The following SLC44A2 variants were observed in gnomAD, a reference collection of about 807,000 sequenced individuals.
SLC44A2 encodes solute carrier family 44 member 2 (CTL2 blood group), also known as choline transporter-like protein 2.
Under a neutral mutation model 90.8 loss-of-function variants are expected in SLC44A2, and 57 were observed. The ratio of observed to expected loss-of-function variants is 0.63; its 90% CI spans 0.51 to 0.78. The LOEUF (loss-of-function observed/expected upper bound fraction) is 0.78. Ranked by LOEUF, SLC44A2 falls within the 30% of genes least tolerant of loss-of-function variation. The pLI, the probability that SLC44A2 is intolerant of heterozygous loss-of-function variation, is 0.00. For synonymous variants in SLC44A2, 355 were observed against 360.7 expected, an observed-to-expected ratio of 0.98 and a Z score of 0.18; for missense variants, 794 against 919.7, an observed-to-expected ratio of 0.86 and a Z score of 1.77.
In SLC44A2 at chr19:10,631,550, C is replaced by A; in HGVS notation, c.502+15C>A. On this transcript the variant is annotated intron_variant, in intron 7 of 21. Transcript: ENST00000335757. Reference sequence around the variant, plus strand: ...CAGCAAACCCTGTGAGTCAGGGGATCCCAGGAGGCTCAGGTGGTGACGGGG... The same window carrying A: ...CAGCAAACCCTGTGAGTCAGGGGATACCAGGAGGCTCAGGTGGTGACGGGG... 6.2e-7 allele frequency: 1 copy of A among 1,613,990 alleles called. No individual in the cohort carries two copies. Among genetic ancestry groups the A allele is most frequent in the South Asian group, 1.1e-5 (1 of 91,084 alleles).
chr19:10,614,965 C>T (rs1194325738), intron 1 of SLC44A2, among the ~76,000 whole-genome samples: 4 of 118,174 alleles, frequency 3.4e-5, no homozygotes, highest in Non-Finnish European at 4.9e-5. Flanking sequence ...AATGAGACTC[C>T]GTCTCAAAAA....
rs1046543635 is a variant in SLC44A2, at chr19:10,603,531, T to C, written c.31+970T>C. 2.6e-5 allele frequency among the ~76,000 whole-genome samples: 4 copies of C among 151,868 alleles called. No homozygotes were observed. The South Asian group carries it at 6.2e-4, about 24-fold the overall frequency. On this transcript the variant is annotated intron_variant, in intron 1 of 21. Coordinates refer to the SLC44A2 transcript ENST00000407327. ...CTCGAAAATATTCAAGAAAAACAAG[T>C]TGGGTAGAGCTGTGCCTCCCTGCCC...
chr19:10,619,717 G>A (rs139311191), intron 1 of SLC44A2, among the ~76,000 whole-genome samples: 4,377 of 152,222 alleles, frequency 0.029, 89 homozygotes, highest in Non-Finnish European at 0.044. Flanking sequence ...ACTTCCAGAG[G>A]CCGAGGCAGG....
chr19:10,625,789 G>A, intron 1 of SLC44A2, 119 bp downstream of exon 1: 1 of 882,358 alleles, frequency 1.1e-6, no homozygotes, highest in Non-Finnish European at 1.5e-6. Context: ...GCAAATCTGC[G>A]CCTGGAGCCT....
intron 4 of SLC44A2, among the ~76,000 whole-genome samples, chr19:10,628,445 C>T (rs955057016): frequency 3.9e-5 from 6 of 152,148 alleles, no homozygotes; most frequent in African/African-American, 1.4e-4. Flanking sequence ...CCCAGCTACC[C>T]AGCAGGCTGA....
Position 10,637,933 on chromosome 19 carries a change from G to A in SLC44A2, c.1769+4G>A, listed in dbSNP as rs150556601. The A allele has an allele frequency of 3.8e-4, 606 of 1,614,018 alleles. 4 individuals carry two copies. The Middle Eastern group carries it at 6.1e-3, about 16-fold the overall frequency. On this transcript the variant is annotated splice_donor_region_variant and intron_variant, in intron 18 of 21. Coordinates refer to ENST00000335757, the MANE Select transcript of SLC44A2 (RefSeq NM_020428.4). ...TGCTCATGAGAAACATCATCAGGTCGGGAATCATTATCATCTTCCTCCTGC... is the reference window on the plus strand; with the variant it reads ...TGCTCATGAGAAACATCATCAGGTCAGGAATCATTATCATCTTCCTCCTGC...
intron 1 of SLC44A2, among the ~76,000 whole-genome samples, chr19:10,605,258 G>A (rs556465114): frequency 2.0e-5 from 3 of 152,236 alleles, no homozygotes; most frequent in South Asian, 4.2e-4. Context: ...GTTCATGCCT[G>A]TAATCCCAGC....
At chr19:10,616,253 C>G (rs1395137928) in intron 1 of SLC44A2, among the ~76,000 whole-genome samples, 1 of 151,882 alleles carries the variant, frequency 6.6e-6, no homozygotes, top group Admixed American at 6.6e-5. Context: ...GTGAGAAAGA[C>G]AGGGTCTCAT....
intron 1 of SLC44A2, among the ~76,000 whole-genome samples, chr19:10,616,495 C>T (rs1244339388): frequency 2.6e-5 from 4 of 152,112 alleles, no homozygotes; most frequent in Admixed American, 6.6e-5. Context: ...TCAAGTGATC[C>T]ACCCACCTTG....
Position 10,628,013 on chromosome 19 carries a change from ACTC to A in SLC44A2, c.245+12_245+14del, listed in dbSNP as rs2066952709. The A allele has an allele frequency of 6.2e-7, 1 of 1,609,758 alleles. No homozygotes were observed. Among genetic ancestry groups the A allele is most frequent in the Non-Finnish European group, 8.5e-7 (1 of 1,177,968 alleles). ...AAGGGCACAAAAAACGAGTGAGTTG[ACTC>A]CTTGCGGCCTGGTGGGGCTGGGGAA... On this transcript the variant is annotated intron_variant, in intron 4 of 21. Transcript: ENST00000335757.
chr19:10,620,017 A>G (rs1424964239), intron 1 of SLC44A2, among the ~76,000 whole-genome samples: 1 of 152,066 alleles, frequency 6.6e-6, no homozygotes, highest in African/African-American at 2.4e-5. Context: ...ACAAAAAAAA[A>G]TCCAAAAATA....
At chr19:10,605,374 C>T (rs1918072904) in intron 1 of SLC44A2, among the ~76,000 whole-genome samples, 1 of 151,952 alleles carries the variant, frequency 6.6e-6, no homozygotes, top group South Asian at 2.1e-4. Flanking sequence ...ATTAGCCAGG[C>T]ATGGTGGTGC....
intron 1 of SLC44A2, among the ~76,000 whole-genome samples, chr19:10,616,782 G>A (rs866231355): frequency 1.8e-4 from 28 of 151,952 alleles, no homozygotes; most frequent in African/African-American, 6.5e-4. Context: ...TTGCTCTGTT[G>A]CCAAGGCTGT....
At chr19:10,638,378 T>G (rs2067081968) in intron 20 of SLC44A2, 63 bp downstream of exon 20, 1 of 1,439,844 alleles carries the variant, frequency 6.9e-7, no homozygotes, top group East Asian at 2.3e-5. Flanking sequence ...TTGCTTGGTC[T>G]TCTTTGACTA....
Position 10,625,623 on chromosome 19 carries a change from C to A in SLC44A2, c.-11C>A. On this transcript the variant is annotated 5_prime_UTR_variant, in exon 1 of 22. Transcript: ENST00000335757. ...AGCGCGGGCGGCCGCCGGGGCTGGT[C>A]GCCTGCAGGGATGGGGGACGAGCGG... The A allele has an allele frequency of 8.0e-7, 1 of 1,246,378 alleles. No individual in the cohort carries two copies. Among genetic ancestry groups the A allele is most frequent in the South Asian group, 3.8e-5 (1 of 26,344 alleles). 77.2% of individuals were successfully genotyped at this position (1,246,378 alleles called of 1,614,324 possible).
chr19:10,618,204 T>C (rs1452366001), intron 1 of SLC44A2, among the ~76,000 whole-genome samples: 2 of 134,164 alleles, frequency 1.5e-5, no homozygotes, highest in African/African-American at 2.9e-5. Context: ...AGACGGAGTC[T>C]CGCTCTGTTG....
chr19:10,638,637 T>C (rs987422562), intron 20 of SLC44A2, among the ~76,000 whole-genome samples: 2 of 151,598 alleles, frequency 1.3e-5, no homozygotes, highest in African/African-American at 4.9e-5. Context: ...TTTTTAATTT[T>C]AATTTAATTT....
intron 20 of SLC44A2, among the ~76,000 whole-genome samples, chr19:10,640,352 A>G (rs1173436212): frequency 3.3e-5 from 5 of 152,122 alleles, no homozygotes; most frequent in African/African-American, 4.8e-5. Flanking sequence ...CGGCCTTCCA[A>G]AGTGCTGCCA....
rs1424578483 is a variant in SLC44A2 at position 10,635,216 on chromosome 19, T to C, written c.1109T>C (p.Leu370Ser). ...SLLYPLVTFF[L>S]LCLCIAYWAS... The stretch of plus-strand genomic sequence containing the variant: ...CTCTACCCACTGGTCACCTTCTTCT[T>C]GCTGTGCCTCTGCATCGCCTACTGG... Residue 370 changes from leucine (L) to serine (S), a missense_variant, in exon 13 of 22, where the codon TTG becomes TCG. By Grantham distance (145) the Leu-to-Ser change is moderately radical. This residue lies in a region of SLC44A2 where 738 missense variants were observed against 841.1 expected (regional missense o/e 0.88). Coordinates refer to ENST00000335757, the MANE Select transcript of SLC44A2 (RefSeq NM_020428.4). 6 of 1,613,978 alleles carry C rather than the reference T, an allele frequency of 3.7e-6. No individual in the cohort carries two copies. The Admixed American group carries it at 1.0e-4, about 27-fold the overall frequency.
Sources: allele counts gnomAD v4.1 joint callset (sites outside exome capture counted in the v4.1 genomes callset), GRCh38; gene constraint gnomAD v4.1.1; regional missense constraint gnomAD v4.1.1; transcripts MANE v1.5; gene names NCBI Gene and HGNC (gene_info 2026-07-23, HGNC 2026-07-21).